The following WTAP variants were observed in gnomAD, a reference collection of about 807,000 sequenced individuals.
WTAP encodes pre-mRNA-splicing regulator WTAP.
WTAP carries 8 observed loss-of-function variants against 50.0 expected under a neutral mutation model. That is an observed-to-expected ratio of 0.16 (90% confidence interval 0.09 to 0.29). The LOEUF (loss-of-function observed/expected upper bound fraction) is 0.29, where lower values mean the gene tolerates loss of function less well. WTAP is among the 10% of genes least tolerant of loss of function. The pLI, the probability that WTAP is intolerant of heterozygous loss-of-function variation, is 1.00. For synonymous variants in WTAP, 194 were observed against 169.0 expected (o/e 1.15, Z -1.15); for missense variants, 295 against 470.7 (o/e 0.63, Z 3.45).
Position 159,755,748 on chromosome 6 carries a change from T to C in WTAP, c.*137T>C. 8.8e-7 allele frequency: 1 copy of C among 1,140,256 alleles called. No homozygotes were observed. Among genetic ancestry groups the C allele is most frequent in the Non-Finnish European group, 1.1e-6 (1 of 903,300 alleles). The allele number at this position is 1,140,256 out of a possible 1,614,324, so 70.6% of individuals were successfully genotyped here. On this transcript the variant is annotated 3_prime_UTR_variant, in exon 8 of 8. Coordinates refer to ENST00000621533, the MANE Select transcript of WTAP (RefSeq NM_001270531.2). The stretch of plus-strand genomic sequence containing the variant: ...GTTTTTTTTTGTTGTTTTTTTTCTT[T>C]GTTTTTTTTTTCTTTTCTTTTTTTT...
intron 2 of WTAP, among the ~76,000 whole-genome samples, chr6:159,738,181 A>G (rs1041386810): frequency 5.9e-5 from 9 of 152,328 alleles, no homozygotes; most frequent in East Asian, 1.9e-4. Context: ...ATCAAGATAC[A>G]TATCTGAACT....
At position 159,740,385 on chromosome 6, in the gene WTAP, A is replaced by AC. The variant is rs1472924597; in HGVS notation, c.86+1341dup. Among the ~76,000 whole-genome samples, 6 of 152,266 alleles carry AC rather than the reference A, an allele frequency of 3.9e-5. No homozygotes were observed. In the South Asian group the frequency reaches 8.3e-4, roughly 21 times the overall value. The stretch of plus-strand genomic sequence containing the variant: ...TCTTTCCTTAGGGAATTCATGTAAG[A>AC]CTTTTAGGCGAGTTTTTTCTCTTTG... On this transcript the variant is annotated intron_variant, in intron 3 of 7. Transcript: ENST00000621533.
At position 159,755,556 on chromosome 6, in the gene WTAP, G is replaced by A. The variant is rs751609270; in HGVS notation, c.1136G>A (p.Arg379His). 5 of 1,613,884 alleles carry A rather than the reference G, an allele frequency of 3.1e-6. No homozygotes were observed. The highest frequency in any genetic ancestry group is 4.5e-5 in the East Asian group (2 of 44,888). ...AAAGGTAATCGAACTGTGGGTTCCCGCCACGTTCAGAATGGCTTGGACTCA... is the reference window on the plus strand; with the variant it reads ...AAAGGTAATCGAACTGTGGGTTCCCACCACGTTCAGAATGGCTTGGACTCA... ...SGKGNRTVGS[R>H]HVQNGLDSSV... The change falls in exon 8 of 8, where the codon CGC becomes CAC. Residue 379 changes from arginine (R) to histidine (H), a missense_variant. Coordinates refer to ENST00000621533, the MANE Select transcript of WTAP (RefSeq NM_001270531.2).
chr6:159,730,030 A>G (rs1016121020), intron 1 of WTAP, among the ~76,000 whole-genome samples: 1 of 152,204 alleles, frequency 6.6e-6, no homozygotes, highest in African/African-American at 2.4e-5. Flanking sequence ...ATTATCTCTG[A>G]ATTATCTACA....
At chr6:159,732,849 T>TC (rs1778661048) in intron 1 of WTAP, among the ~76,000 whole-genome samples, 2 of 126,440 alleles carry the variant, frequency 1.6e-5, no homozygotes, top group East Asian at 2.5e-4. Flanking sequence ...TGTCTGCTTC[T>TC]TTCTCTCTCT....
upstream of WTAP, chr6:159,726,784 C>G (rs73599377): frequency 1.8e-3 from 2,281 of 1,288,956 alleles, 29 homozygotes; most frequent in African/African-American, 0.028. Flanking sequence ...ACGAACCCAG[C>G]GGCCAGGAGA....
At chr6:159,734,298 G>A (rs1778770770) in intron 1 of WTAP, among the ~76,000 whole-genome samples, 1 of 149,924 alleles carries the variant, frequency 6.7e-6, no homozygotes, top group Admixed American at 6.7e-5. Flanking sequence ...ACAAGTGTGA[G>A]CCACCACACC....
chr6:159,741,464 C>G (rs1038870502), intron 3 of WTAP: 1 of 152,080 alleles, frequency 6.6e-6, no homozygotes, highest in Non-Finnish European at 1.5e-5. Flanking sequence ...TTCTAATATG[C>G]CTTTTGTTCT....
chr6:159,748,083 G>T lies in WTAP; in HGVS notation c.274-108G>T. The T allele has an allele frequency of 7.6e-7, 1 of 1,323,220 alleles. No homozygotes were observed. Among genetic ancestry groups the T allele is most frequent in the Non-Finnish European group, 1.0e-6 (1 of 972,330 alleles). The allele number at this position is 1,323,220 out of a possible 1,614,324, so 82.0% of individuals were successfully genotyped here. Reference sequence around the variant, plus strand: ...AGAATTTCAGGATCAAAGAGGGGAGGAGCTTAATGAAAGAGTTGGTAAATC... The same window carrying T: ...AGAATTTCAGGATCAAAGAGGGGAGTAGCTTAATGAAAGAGTTGGTAAATC... On this transcript the variant is annotated intron_variant, in intron 5 of 7. Transcript: ENST00000621533. This position sits in a 1 kb window ranked among gnomAD's most constrained non-coding sequence, Gnocchi z 5.6.
chr6:159,740,610 C>T (rs529122114), intron 3 of WTAP, among the ~76,000 whole-genome samples: 1 of 151,992 alleles, frequency 6.6e-6, no homozygotes, highest in Admixed American at 6.5e-5. Flanking sequence ...GTTGTAAGTG[C>T]CGTAAAAATA....
chr6:159,728,000 C>G (rs752853530), intron 1 of WTAP, among the ~76,000 whole-genome samples: 1 of 152,250 alleles, frequency 6.6e-6, no homozygotes, highest in Non-Finnish European at 1.5e-5. Flanking sequence ...CCGGGCTGAG[C>G]GGCGGCGCTC....
At chr6:159,732,886 A>AGTGTGTGTGTGT (rs67554039) in intron 1 of WTAP, among the ~76,000 whole-genome samples, 2,879 of 146,428 alleles carry the variant, frequency 0.02, 78 homozygotes, top group African/African-American at 0.06. Flanking sequence ...ATATATATAT[A>AGTGTGTGTGTGT]GTGTGTGTGT....
intron 6 of WTAP, among the ~76,000 whole-genome samples, chr6:159,752,120 A>G (rs1451280687): frequency 6.6e-6 from 1 of 152,170 alleles, no homozygotes; most frequent in Non-Finnish European, 1.5e-5. Context: ...AAAGATTGAT[A>G]AAATATTTAC....
intron 1 of WTAP, 116 bp downstream of exon 1, chr6:159,727,819 C>T (rs1778294988): frequency 1.6e-5 from 12 of 736,220 alleles, no homozygotes; most frequent in Non-Finnish European, 1.7e-5. Context: ...CCACACGGGC[C>T]TGGTGCGGCA....
At chr6:159,747,886 C>T (rs1321418734) in intron 5 of WTAP, among the ~76,000 whole-genome samples, 1 of 57,416 alleles carries the variant, frequency 1.7e-5, no homozygotes, top group African/African-American at 5.1e-5. Flanking sequence ...AAGTGAGTAA[C>T]CTTAAATAGT....
In WTAP at chr6:159,739,064, A is replaced by C. The variant is rs748336143; in HGVS notation, c.86+19A>C. 6.3e-7 allele frequency: 1 copy of C among 1,597,206 alleles called. No homozygotes were observed. The highest frequency in any genetic ancestry group is 8.6e-7 in the Non-Finnish European group (1 of 1,166,486). ...TTCTAAGGTAAAATGTTCTCTGTTC[A>C]AAAACAAAGTCTTTCTATAGAACAT... On this transcript the variant is annotated intron_variant, in intron 3 of 7. Transcript: ENST00000621533.
intron 6 of WTAP, among the ~76,000 whole-genome samples, chr6:159,752,765 CTT>C (rs947068338): frequency 6.6e-6 from 1 of 152,118 alleles, no homozygotes; most frequent in African/African-American, 2.4e-5. Context: ...CTCTCCTCCT[CTT>C]TTTTGAGACA....
At chr6:159,741,251 G>A (rs777049480) in intron 3 of WTAP, among the ~76,000 whole-genome samples, 4 of 152,058 alleles carry the variant, frequency 2.6e-5, no homozygotes, top group Non-Finnish European at 5.9e-5. Context: ...GAAGAACAAC[G>A]GTCCCCTTGT....
At chr6:159,754,930 G>T in intron 7 of WTAP, 98 bp from the exon 8 acceptor site, 1 of 1,234,132 alleles carries the variant, frequency 8.1e-7, no homozygotes, top group Non-Finnish European at 1.1e-6. Flanking sequence ...TTGTTTACTT[G>T]AGCGTTTATT....
Sources: gnomAD v4.1 joint callset for allele counts (sites outside exome capture counted in the v4.1 genomes callset) on GRCh38, gnomAD v4.1.1 for gene constraint, Gnocchi (gnomAD v3.1) non-coding constraint, MANE v1.5 for transcripts, NCBI Gene and HGNC (gene_info 2026-07-23, HGNC 2026-07-21) for gene names.